The following C11orf65 variants were observed in gnomAD, a reference collection of about 807,000 sequenced individuals.
C11orf65 encodes the protein chromosome 11 open reading frame 65.
C11orf65 carries 38 observed loss-of-function variants against 35.3 expected under a neutral mutation model. That is an observed-to-expected ratio of 1.08 (90% confidence interval 0.83 to 1.41). The LOEUF (loss-of-function observed/expected upper bound fraction) is 1.41. Among genes scored for constraint, C11orf65 ranks in the 40% most tolerant of loss-of-function variants. The probability of loss-of-function intolerance (pLI) is 0.00; values close to 1 mark genes in which losing one functional copy is unlikely to be tolerated. For missense variants in C11orf65, 370 were observed against 367.1 expected (o/e 1.01, Z -0.06); for synonymous variants, 105 against 114.4 (o/e 0.92, Z 0.53).
chr11:108,314,090 G>T (rs2136088653), intron 6 of C11orf65, among the ~76,000 whole-genome samples: 1 of 152,146 alleles, frequency 6.6e-6, no homozygotes, highest in Middle Eastern at 3.4e-3. Context: ...GTCAGACTTT[G>T]TAGGACTGTA....
At chr11:108,420,520 G>A (rs2092800600) in intron 3 of C11orf65, among the ~76,000 whole-genome samples, 3 of 152,150 alleles carry the variant, frequency 2.0e-5, no homozygotes, top group Non-Finnish European at 4.4e-5. Context: ...TCACTGGAAA[G>A]GGTTGACCTA....
intron 1 of C11orf65, among the ~76,000 whole-genome samples, chr11:108,467,258 G>C (rs1157347704): frequency 1.3e-5 from 2 of 152,142 alleles, no homozygotes; most frequent in Admixed American, 1.3e-4. Flanking sequence ...TCTGAGGAAG[G>C]GGTTACTCCC....
At chr11:108,366,442 C>T (rs1007338914) in intron 2 of C11orf65, 1 of 220,828 alleles carries the variant, frequency 4.5e-6, no homozygotes, top group Non-Finnish European at 9.1e-6. Flanking sequence ...AATGTCTGTA[C>T]TTGATAGACA....
rs746337744 is a variant in C11orf65 at position 108,393,405 on chromosome 11, T to C, written c.561-27A>G. On this transcript the variant is annotated intron_variant, in intron 6 of 8. Transcript: ENST00000393084. ...TAAATAGGCAAAAGGGAAAGAGAAGTAAATCTTTTGAAATAGGAGATTACA... is the reference window on the plus strand; with the variant it reads ...TAAATAGGCAAAAGGGAAAGAGAAGCAAATCTTTTGAAATAGGAGATTACA... 4 of 1,592,946 alleles carry C rather than the reference T, an allele frequency of 2.5e-6. 1 individual carries two copies. The South Asian group carries it at 4.4e-5, about 18-fold the overall frequency.
intron 2 of C11orf65, among the ~76,000 whole-genome samples, chr11:108,341,826 A>G (rs2087614135): frequency 6.6e-6 from 1 of 152,240 alleles, no homozygotes; most frequent in Non-Finnish European, 1.5e-5. Context: ...AAAAAGCCTG[A>G]CAATATTAAG....
intron 7 of C11orf65, among the ~76,000 whole-genome samples, chr11:108,389,780 T>A (rs1190351351): frequency 2.0e-5 from 3 of 148,482 alleles, no homozygotes; most frequent in Non-Finnish European, 4.5e-5. Context: ...CCCAATGGCA[T>A]GAATCGTGGG....
chr11:108,397,859 CAG>C (rs954248277), intron 6 of C11orf65, among the ~76,000 whole-genome samples: 3 of 152,282 alleles, frequency 2.0e-5, no homozygotes, highest in East Asian at 1.9e-4. Context: ...ATAAATAGAA[CAG>C]AGTCTCTGCT....
chr11:108,464,695 G>A (rs894175784), intron 1 of C11orf65, among the ~76,000 whole-genome samples: 2 of 152,072 alleles, frequency 1.3e-5, no homozygotes, highest in Non-Finnish European at 2.9e-5. Context: ...TCTGGAAAGG[G>A]ATATGAGAAA....
At position 108,331,950 on chromosome 11, in the gene C11orf65, CAG is replaced by C. The variant is rs759965045; in HGVS notation, c.300-385_300-384del. On this transcript the variant is annotated intron_variant, in intron 3 of 3. Transcript: ENST00000524755. ...TTATACTGGCCTTAGCAAATGCAAA[CAG>C]AGATGAATTTCTGACTAAACCAGAG... The C allele has an allele frequency of 5.0e-6, 8 of 1,613,816 alleles. No individual in the cohort carries two copies. The Admixed American group carries it at 8.3e-5, about 17-fold the overall frequency.
chr11:108,323,078 G>C (rs2085349079), intron 6 of C11orf65, among the ~76,000 whole-genome samples: 1 of 152,118 alleles, frequency 6.6e-6, no homozygotes, highest in Non-Finnish European at 1.5e-5. Context: ...GGATATAAAT[G>C]ACTAAGGTCA....
intron 6 of C11orf65, chr11:108,325,666 TA>T: frequency 1.1e-6 from 1 of 874,272 alleles, no homozygotes; most frequent in Admixed American, 2.7e-5. Flanking sequence ...TAATATATAG[TA>T]AAAATAATTG....
At chr11:108,359,326 G>C (rs905213512) in intron 2 of C11orf65, among the ~76,000 whole-genome samples, 2 of 151,874 alleles carry the variant, frequency 1.3e-5, no homozygotes, top group African/African-American at 4.8e-5. Flanking sequence ...AAGAGACTTA[G>C]AATCCCACAC....
intron 6 of C11orf65, chr11:108,310,023 T>C (rs1175976757): frequency 1.0e-5 from 8 of 798,962 alleles, no homozygotes; most frequent in African/African-American, 6.9e-5. Context: ...TATAGGTATA[T>C]ATTGGGGAAA....
chr11:108,444,840 G>C (rs1352378250), intron 2 of C11orf65, among the ~76,000 whole-genome samples: 1 of 152,180 alleles, frequency 6.6e-6, no homozygotes, highest in African/African-American at 2.4e-5. Flanking sequence ...GGGTCAGGGA[G>C]TTCCCTTTCC....
intron 3 of C11orf65, among the ~76,000 whole-genome samples, chr11:108,420,762 A>C (rs1314904338): frequency 6.6e-6 from 1 of 152,000 alleles, no homozygotes; most frequent in Non-Finnish European, 1.5e-5. Context: ...CAACATTCCA[A>C]CAGACTTTTA....
downstream of C11orf65, chr11:108,327,631 C>T (rs1412047109): frequency 6.2e-7 from 1 of 1,600,416 alleles, no homozygotes; most frequent in Non-Finnish European, 8.6e-7. Flanking sequence ...TAAGATTTTG[C>T]CTTTCTTATA....
At chr11:108,427,825 CT>C (rs1164726398) in intron 3 of C11orf65, among the ~76,000 whole-genome samples, 1,576 of 58,926 alleles carry the variant, frequency 0.027, 3 homozygotes, top group Non-Finnish European at 0.036. Flanking sequence ...GAATGGCAAT[CT>C]TTTTTTTTTT....
chr11:108,383,869 CCTTT>C (rs1212268120), intron 8 of C11orf65, among the ~76,000 whole-genome samples: 2 of 91,704 alleles, frequency 2.2e-5, no homozygotes, highest in Non-Finnish European at 3.9e-5. Context: ...TATATTGTTT[CCTTT>C]TTTTTTTTTT....
upstream of C11orf65, among the ~76,000 whole-genome samples, chr11:108,468,924 T>C (rs7119791): frequency 0.025 from 3,873 of 152,100 alleles, 139 homozygotes; most frequent in African/African-American, 0.081. Flanking sequence ...GACAACATGG[T>C]GAAACCCCCT....
Sources: allele counts gnomAD v4.1 joint callset (sites outside exome capture counted in the v4.1 genomes callset), GRCh38; gene constraint gnomAD v4.1.1; transcripts MANE v1.5; gene names NCBI Gene and HGNC (gene_info 2026-07-23, HGNC 2026-07-21).